Variants in RAB6B observed in about 807,000 individuals in gnomAD.
The protein encoded by RAB6B is RAB6B, member RAS oncogene family, also known as ras-related protein Rab-6B.
In RAB6B, 7 loss-of-function variants were observed where a neutral mutation model predicts 31.2. The observed-to-expected ratio is 0.22, with a 90% confidence interval of 0.13 to 0.42. The LOEUF is 0.42. Among genes scored for constraint, RAB6B ranks in the 10% least tolerant of loss-of-function variants. RAB6B has a pLI of 1.00. For synonymous variants in RAB6B, 105 were observed against 104.9 expected, an observed-to-expected ratio of 1.00 and a Z score of -0.01; for missense variants, 149 against 280.6, an observed-to-expected ratio of 0.53 and a Z score of 3.35.
intron 1 of RAB6B, among the ~76,000 whole-genome samples, chr3:133,888,897 G>A (rs1200952838): frequency 6.6e-6 from 1 of 152,072 alleles, no homozygotes; most frequent in Non-Finnish European, 1.5e-5. Flanking sequence ...CCCATTTCCT[G>A]GCAGCCTGTC....
intron 1 of RAB6B, among the ~76,000 whole-genome samples, chr3:133,876,819 C>A (rs555512338): frequency 7.8e-4 from 119 of 152,198 alleles, no homozygotes; most frequent in African/African-American, 2.8e-3. Flanking sequence ...ATGAACATCC[C>A]AGATGAAAAT....
chr3:133,841,782 G>A (rs1935837000), intron 2 of RAB6B, 119 bp from the exon 3 acceptor site: 1 of 945,638 alleles, frequency 1.1e-6, no homozygotes, highest in African/African-American at 1.6e-5. Flanking sequence ...CAGGTCTAAT[G>A]TGGCCATGCT....
chr3:133,857,100 T>C (rs1936091397), intron 2 of RAB6B, among the ~76,000 whole-genome samples: 1 of 152,202 alleles, frequency 6.6e-6, no homozygotes, highest in African/African-American at 2.4e-5. Context: ...AAAGTTGTCA[T>C]TTGTTTCACT....
chr3:133,831,317 A>G (rs1576391308), intron 7 of RAB6B, among the ~76,000 whole-genome samples: 1 of 152,204 alleles, frequency 6.6e-6, no homozygotes, highest in East Asian at 1.9e-4. Flanking sequence ...TACTTCTAGA[A>G]CAGCACTGTC....
At chr3:133,869,416 G>C (rs1039671991) in intron 1 of RAB6B, among the ~76,000 whole-genome samples, 1 of 152,246 alleles carries the variant, frequency 6.6e-6, no homozygotes, top group Non-Finnish European at 1.5e-5. Context: ...ACAAAGGCAG[G>C]GGCAGGGGCC....
At chr3:133,847,008 T>C (rs1213708341) in intron 2 of RAB6B, among the ~76,000 whole-genome samples, 1 of 152,230 alleles carries the variant, frequency 6.6e-6, no homozygotes, top group African/African-American at 2.4e-5. Context: ...AAGGCTGGAA[T>C]ACAAGTGCAC....
At chr3:133,861,289 A>G (rs1418047142) in intron 2 of RAB6B, among the ~76,000 whole-genome samples, 1 of 152,122 alleles carries the variant, frequency 6.6e-6, no homozygotes, top group Non-Finnish European at 1.5e-5. Flanking sequence ...TACTTCTTCA[A>G]GTGAGTGGAT....
At chr3:133,853,691 G>T (rs1936034550) in intron 2 of RAB6B, among the ~76,000 whole-genome samples, 1 of 152,072 alleles carries the variant, frequency 6.6e-6, no homozygotes, top group South Asian at 2.1e-4. Flanking sequence ...ACCAACACTG[G>T]ATTGGGAGTG....
rs921122532 is a variant in RAB6B at position 133,895,329 on chromosome 3, A to T, written c.70+68T>A. The T allele has an allele frequency of 2.0e-6, 3 of 1,534,876 alleles. No homozygotes were observed. In the African/African-American group the frequency reaches 4.1e-5, roughly 21 times the overall value. On this transcript the variant is annotated intron_variant, in intron 1 of 7. Transcript: ENST00000285208. ...TTCCGAGCCTGGGCCGGGGGTCCCA[A>T]TGGGGTGGGCGATTGGGCGGCGGGG...
intron 1 of RAB6B, among the ~76,000 whole-genome samples, chr3:133,876,198 T>C (rs1451300129): frequency 6.6e-6 from 1 of 152,160 alleles, no homozygotes; most frequent in East Asian, 1.9e-4. Context: ...CTCTACCAGA[T>C]TCAACTGACA....
intron 1 of RAB6B, among the ~76,000 whole-genome samples, chr3:133,879,415 TG>T (rs1249314014): frequency 6.6e-6 from 1 of 152,222 alleles, no homozygotes; most frequent in East Asian, 1.9e-4. Flanking sequence ...AAGACTTAGC[TG>T]GGCACTGGAG....
chr3:133,879,352 A>G (rs779372794), intron 1 of RAB6B, among the ~76,000 whole-genome samples: 16 of 152,206 alleles, frequency 1.1e-4, no homozygotes, highest in Non-Finnish European at 5.9e-5. Flanking sequence ...AAATTTTCCT[A>G]AGGAACTAGA....
intron 2 of RAB6B, among the ~76,000 whole-genome samples, chr3:133,854,194 C>T (rs756859129): frequency 1.6e-4 from 24 of 152,208 alleles, no homozygotes; most frequent in Admixed American, 9.8e-4. Flanking sequence ...TCTCAATAAC[C>T]GAGTATTCCC....
At chr3:133,849,578 GAAC>G (rs1222911046) in intron 2 of RAB6B, among the ~76,000 whole-genome samples, 1 of 152,240 alleles carries the variant, frequency 6.6e-6, no homozygotes, top group Non-Finnish European at 1.5e-5. Flanking sequence ...GGCTTACTCA[GAAC>G]TAAGGTCACA....
At chr3:133,873,043 C>A (rs1936347824) in intron 1 of RAB6B, among the ~76,000 whole-genome samples, 1 of 152,156 alleles carries the variant, frequency 6.6e-6, no homozygotes, top group African/African-American at 2.4e-5. Flanking sequence ...CACTGAGTGC[C>A]CCGTCTCACT....
intron 2 of RAB6B, among the ~76,000 whole-genome samples, chr3:133,861,213 G>C (rs1936156478): frequency 6.6e-6 from 1 of 152,234 alleles, no homozygotes; most frequent in East Asian, 1.9e-4. Context: ...AAATTACTTA[G>C]TTGGGGTTTT....
intron 2 of RAB6B, among the ~76,000 whole-genome samples, chr3:133,853,175 G>GTA (rs147188585): frequency 0.016 from 2,364 of 152,240 alleles, 60 homozygotes; most frequent in African/African-American, 0.054. Flanking sequence ...CTGCCACAGG[G>GTA]TACATTTCAT....
At chr3:133,837,705 C>T (rs1252259601) in intron 6 of RAB6B, among the ~76,000 whole-genome samples, 2 of 152,228 alleles carry the variant, frequency 1.3e-5, no homozygotes, top group Admixed American at 1.3e-4. Context: ...CCAACCACAT[C>T]ATGGTAGGCT....
intron 2 of RAB6B, among the ~76,000 whole-genome samples, chr3:133,851,962 G>A (rs1481919214): frequency 6.6e-6 from 1 of 152,118 alleles, no homozygotes; most frequent in Non-Finnish European, 1.5e-5. Context: ...TAGAACTAAT[G>A]AGAAACGACC....
Sources: allele counts gnomAD v4.1 joint callset (sites outside exome capture counted in the v4.1 genomes callset), GRCh38; gene constraint gnomAD v4.1.1; transcripts MANE v1.5; gene names NCBI Gene and HGNC (gene_info 2026-07-23, HGNC 2026-07-21).